LRBA: variants seen among roughly 807,000 people sequenced by gnomAD.
The protein encoded by LRBA is lipopolysaccharide-responsive and beige-like anchor protein.
In LRBA, 176 loss-of-function variants were observed where a neutral mutation model predicts 330.0. The observed-to-expected ratio is 0.53, with a 90% CI of 0.47 to 0.60. The LOEUF (loss-of-function observed/expected upper bound fraction) is 0.60. Ranked by LOEUF, LRBA falls within the 20% of genes least tolerant of loss-of-function variation. LRBA has a pLI of 0.00. For synonymous variants in LRBA, 1,230 were observed against 1,193.0 expected (o/e 1.03, Z -0.64); for missense variants, 3,259 against 3,444.8 (o/e 0.95, Z 1.35).
chr4:151,014,731 G>GA lies in LRBA; in HGVS notation c.-90dup, dbSNP rs1457261369. On this transcript the variant is annotated 5_prime_UTR_variant, in exon 2 of 57. Transcript: ENST00000651943. ...GAGCACAACACACGCAATGCAAAACGAAAGGGTCCCTCTTCCAACTTGTGG... is the reference window on the plus strand; with the variant it reads ...GAGCACAACACACGCAATGCAAAACGAAAAGGGTCCCTCTTCCAACTTGTGG... The GA allele has an allele frequency of 1.2e-6, 1 of 839,096 alleles. No homozygotes were observed. The highest frequency in any genetic ancestry group is 1.9e-6 in the Non-Finnish European group (1 of 537,836). The allele number at this position is 839,096 out of a possible 1,614,324, so 52.0% of individuals were successfully genotyped here. A position where few individuals can be genotyped will look rare whatever the true frequency, so the allele number is the denominator to read the frequency against.
rs1055237452 is a variant in LRBA, at chr4:150,958,146, T to C, written c.217-29081A>G. On this transcript the variant is annotated intron_variant, in intron 2 of 56. Transcript: ENST00000651943. ...CCCCACATTTCCCTTCCACAGTGTC[T>C]TAGCAGAGGTTCTCTGTGAGGGCTC... Among the ~76,000 whole-genome samples, 5 of 149,154 alleles carry C rather than the reference T, an allele frequency of 3.4e-5. No homozygotes were observed. The East Asian group carries it at 9.7e-4, about 29-fold the overall frequency.
At chr4:150,710,409 C>T (rs1262044517) in intron 36 of LRBA, among the ~76,000 whole-genome samples, 2 of 151,946 alleles carry the variant, frequency 1.3e-5, no homozygotes, top group African/African-American at 2.4e-5. Context: ...TACAAGTATA[C>T]AGTGGTATCA....
At chr4:150,392,684 G>A (rs1744158864) in intron 47 of LRBA, among the ~76,000 whole-genome samples, 3 of 152,014 alleles carry the variant, frequency 2.0e-5, no homozygotes, top group Admixed American at 6.6e-5. Context: ...TTTATATCCT[G>A]AGAATTTGCT....
chr4:150,869,702 A>G (rs1753192177), intron 20 of LRBA, among the ~76,000 whole-genome samples: 1 of 152,042 alleles, frequency 6.6e-6, no homozygotes, highest in South Asian at 2.1e-4. Flanking sequence ...ATAAATAAAT[A>G]ATCTCCAGAA....
chr4:150,467,895 T>C, intron 43 of LRBA, 110 bp from the exon 44 acceptor site: 1 of 536,470 alleles, frequency 1.9e-6, no homozygotes, highest in Non-Finnish European at 3.4e-6. Flanking sequence ...TTGCCAGACA[T>C]CATTCTCAGT....
chr4:150,961,447 T>C (rs867333377), intron 2 of LRBA, among the ~76,000 whole-genome samples: 14 of 149,314 alleles, frequency 9.4e-5, no homozygotes, highest in Non-Finnish European at 1.6e-4. Flanking sequence ...AAACAGAGAT[T>C]AGCCAGAAAA....
At chr4:150,640,541 A>G (rs1277619619) in intron 37 of LRBA, among the ~76,000 whole-genome samples, 3 of 152,210 alleles carry the variant, frequency 2.0e-5, no homozygotes, top group Non-Finnish European at 4.4e-5. Flanking sequence ...TAAAACTCAT[A>G]GATAAGGAAT....
At chr4:150,557,481 TTC>T (rs1767476596) in intron 40 of LRBA, among the ~76,000 whole-genome samples, 1 of 152,108 alleles carries the variant, frequency 6.6e-6, no homozygotes, top group East Asian at 1.9e-4. Context: ...TCATCAGTTT[TTC>T]TCTCAAGCTT....
intron 37 of LRBA, among the ~76,000 whole-genome samples, chr4:150,636,939 C>T (rs1031011947): frequency 6.6e-6 from 1 of 152,154 alleles, no homozygotes; most frequent in Non-Finnish European, 1.5e-5. Context: ...TGAACTATCA[C>T]ACCTGGCTTA....
intron 56 of LRBA, among the ~76,000 whole-genome samples, chr4:150,272,690 C>T (rs1257088579): frequency 6.6e-6 from 1 of 151,104 alleles, no homozygotes; most frequent in Non-Finnish European, 1.5e-5. Context: ...ATAGCCAAAT[C>T]GATCAAGCAG....
chr4:150,347,208 G>T (rs1736492023), intron 48 of LRBA, among the ~76,000 whole-genome samples: 1 of 152,166 alleles, frequency 6.6e-6, no homozygotes, highest in Admixed American at 6.5e-5. Context: ...ATTGTACAGG[G>T]ACTGGGGAGG....
At chr4:150,817,346 A>C in intron 30 of LRBA, 89 bp from the exon 31 acceptor site, 1 of 1,195,166 alleles carries the variant, frequency 8.4e-7, no homozygotes. Flanking sequence ...TAGGTAGCTA[A>C]CTTATTTTTC....
intron 2 of LRBA, among the ~76,000 whole-genome samples, chr4:150,954,254 C>T (rs1188855975): frequency 6.6e-5 from 10 of 152,038 alleles, no homozygotes; most frequent in East Asian, 1.9e-4. Flanking sequence ...GCCGCCACCC[C>T]GTCTGGGAGG....
At chr4:150,835,632 G>C (rs1232915609) in intron 28 of LRBA, among the ~76,000 whole-genome samples, 1 of 152,086 alleles carries the variant, frequency 6.6e-6, no homozygotes, top group East Asian at 1.9e-4. Context: ...GAATGTTTGT[G>C]ATTTTTGCAC....
rs765319761 is a variant in LRBA, at chr4:150,867,855, A to G, written c.2582T>C (p.Leu861Pro). 4 of 1,606,850 alleles carry G rather than the reference A, an allele frequency of 2.5e-6. No individual in the cohort carries two copies. Among genetic ancestry groups the G allele is most frequent in the Non-Finnish European group, 8.5e-7 (1 of 1,177,050 alleles). The part of the protein sequence containing the change: ...NNSRENRRSL[L>P]QCSVWQEWML... Reference sequence around the variant, plus strand: ...CCATTCTTGCCACACAGAGCATTGTAGCAAGCTCCTGAAAATTATGAGAGG... The same window carrying G: ...CCATTCTTGCCACACAGAGCATTGTGGCAAGCTCCTGAAAATTATGAGAGG... Residue 861 changes from leucine (L) to proline (P), a missense_variant, in exon 22 of 57, where the codon CTA becomes CCA. By Grantham distance (98) the Leu-to-Pro change is moderately conservative (BLOSUM62 -3). Coordinates refer to ENST00000651943, the MANE Select transcript of LRBA (RefSeq NM_001364905.1).
At chr4:150,452,273 C>A (rs1442019154) in intron 44 of LRBA, among the ~76,000 whole-genome samples, 3 of 151,968 alleles carry the variant, frequency 2.0e-5, no homozygotes, top group Non-Finnish European at 4.4e-5. Context: ...ACTATACTAA[C>A]CAACTAAAAA....
chr4:150,933,383 G>GT (rs1734721208), intron 2 of LRBA, among the ~76,000 whole-genome samples: 2 of 148,858 alleles, frequency 1.3e-5, no homozygotes, highest in Admixed American at 1.3e-4. Flanking sequence ...AAAAAAAAAA[G>GT]TTAATGAAGT....
In LRBA at chr4:150,467,730, A is replaced by G; in HGVS notation, c.6723T>C (p.Asn2241=). ...TAAGATCCAGTTCTTCTGATTCATA[A>G]TTAGTGATGACCCAAGGAAACACTG... ...QYPVFPWVIT[N]YESEELDLTL... is the part of the protein sequence containing the mutation. Residue 2241 remains asparagine (N), a synonymous_variant, in exon 44 of 57, where the codon AAT becomes AAC. Coordinates refer to ENST00000651943, the MANE Select transcript of LRBA (RefSeq NM_001364905.1). The G allele has an allele frequency of 6.2e-7, 1 of 1,610,220 alleles. No homozygotes were observed. Among genetic ancestry groups the G allele is most frequent in the Non-Finnish European group, 8.5e-7 (1 of 1,177,444 alleles).
intron 40 of LRBA, among the ~76,000 whole-genome samples, chr4:150,501,680 G>A (rs929895079): frequency 6.6e-6 from 1 of 151,744 alleles, no homozygotes; most frequent in African/African-American, 2.4e-5. Context: ...AAAGGGGGAA[G>A]AAGAGTAAAA....
Sources: allele counts gnomAD v4.1 joint callset (sites outside exome capture counted in the v4.1 genomes callset), GRCh38; gene constraint gnomAD v4.1.1; transcripts MANE v1.5; gene names NCBI Gene and HGNC (gene_info 2026-07-23, HGNC 2026-07-21).